Variants in FAM168A observed in about 807,000 individuals in gnomAD.
FAM168A encodes protein FAM168A.
FAM168A carries 3 observed loss-of-function variants against 28.5 expected under a neutral mutation model. The ratio of observed to expected loss-of-function variants is 0.11; its 90% confidence interval spans 0.05 to 0.27. The LOEUF (loss-of-function observed/expected upper bound fraction) is 0.27. Among genes scored for constraint, FAM168A ranks in the 10% least tolerant of loss-of-function variants. The pLI, the probability that FAM168A is intolerant of heterozygous loss-of-function variation, is 1.00. For missense variants in FAM168A, 222 were observed against 311.5 expected, an observed-to-expected ratio of 0.71 and a Z score of 2.16; for synonymous variants, 122 against 124.2, an observed-to-expected ratio of 0.98 and a Z score of 0.12.
At chr11:73,408,829 T>A (rs1180965964) in intron 6 of FAM168A, among the ~76,000 whole-genome samples, 3 of 151,752 alleles carry the variant, frequency 2.0e-5, no homozygotes, top group Admixed American at 6.6e-5. Context: ...TCTGCTTTTG[T>A]CATCCCTCAT....
At chr11:73,558,591 C>A (rs1344968401) in intron 1 of FAM168A, among the ~76,000 whole-genome samples, 4 of 131,406 alleles carry the variant, frequency 3.0e-5, no homozygotes, top group African/African-American at 5.8e-5. Flanking sequence ...TATAATTCAA[C>A]AACAAAAAGG....
At chr11:73,466,978 T>TA (rs1166875719) in intron 2 of FAM168A, among the ~76,000 whole-genome samples, 2 of 150,948 alleles carry the variant, frequency 1.3e-5, no homozygotes, top group African/African-American at 4.9e-5. Flanking sequence ...TAGTGTCAGT[T>TA]AAAAAAAGAA....
Position 73,411,495 on chromosome 11 carries a change from T to G in FAM168A, c.319A>C (p.Ser107Arg), listed in dbSNP as rs781581760. The change falls in exon 5 of 8, where the codon AGT becomes CGT. Residue 107 changes from serine (S) to arginine (R), a missense_variant. By Grantham distance (110) the Ser-to-Arg change is moderately radical. This residue lies in a region of FAM168A where 153 missense variants were observed against 189.2 expected (regional missense o/e 0.81). Transcript: ENST00000356467. ...GAGTAGGGGGGTGGAGCAGTGTTACTCTGGGTCGGTGGGACCTTGTATGGT... is the reference window on the plus strand; with the variant it reads ...GAGTAGGGGGGTGGAGCAGTGTTACGCTGGGTCGGTGGGACCTTGTATGGT... ...GTPYKVPPTQ[S>R]NTAPPPYSPS... 1 of 1,614,068 alleles carries G rather than the reference T, an allele frequency of 6.2e-7. No homozygotes were observed. The highest frequency in any genetic ancestry group is 1.1e-5 in the South Asian group (1 of 91,076).
rs773588576 is a variant in FAM168A, at chr11:73,404,272, G to A, written c.*2491C>T. On this transcript the variant is annotated 3_prime_UTR_variant, in exon 8 of 8. Transcript: ENST00000356467. ...GCAGCAGGGTTCTGGGAAGCCTAGC[G>A]GATACCAGCATGCTGCTCACTGTGG... The A allele has an allele frequency of 3.3e-5, 5 of 152,242 alleles. No individual in the cohort carries two copies. The highest frequency in any genetic ancestry group is 2.1e-4 in the South Asian group (1 of 4,812). The allele number at this position is 152,242 out of a possible 1,614,324, so 9.4% of individuals were successfully genotyped here.
chr11:73,540,201 A>C (rs1943636824), intron 1 of FAM168A, among the ~76,000 whole-genome samples: 1 of 152,208 alleles, frequency 6.6e-6, no homozygotes, highest in Admixed American at 6.5e-5. Flanking sequence ...CTGAAAAAAC[A>C]AAGAAAAACA....
intron 1 of FAM168A, among the ~76,000 whole-genome samples, chr11:73,493,239 C>T (rs974344971): frequency 1.4e-4 from 22 of 152,148 alleles, no homozygotes; most frequent in African/African-American, 2.6e-4. Context: ...AGAGAAGTAG[C>T]TTGAACTCAT....
At chr11:73,514,163 T>C (rs1238631746) in intron 1 of FAM168A, among the ~76,000 whole-genome samples, 2 of 149,508 alleles carry the variant, frequency 1.3e-5, no homozygotes, top group African/African-American at 2.5e-5. Flanking sequence ...AAAAAATAAA[T>C]AAAATAAAAA....
At position 73,423,212 on chromosome 11, in the gene FAM168A, G is replaced by A. The variant is rs556870999; in HGVS notation, c.152-3213C>T. ...CCCCTCTTCCATCTCCAAAGTTGTA[G>A]GCTACAGCTCTAATTGAAGCTCTCA... On this transcript the variant is annotated intron_variant, in intron 3 of 7. Coordinates refer to ENST00000356467, the MANE Select transcript of FAM168A (RefSeq NM_015159.3). 2.0e-5 allele frequency among the ~76,000 whole-genome samples: 3 copies of A among 152,064 alleles called. No homozygotes were observed. In the South Asian group the frequency reaches 6.2e-4, roughly 31 times the overall value.
At chr11:73,547,731 T>C (rs991744062) in intron 1 of FAM168A, among the ~76,000 whole-genome samples, 2 of 151,794 alleles carry the variant, frequency 1.3e-5, no homozygotes, top group East Asian at 3.9e-4. Flanking sequence ...TAGATATACA[T>C]CCAAAAGAAC....
chr11:73,457,484 G>A (rs918901934), intron 2 of FAM168A, among the ~76,000 whole-genome samples: 1 of 151,630 alleles, frequency 6.6e-6, no homozygotes, highest in Non-Finnish European at 1.5e-5. Context: ...TTGTTTAATG[G>A]TTACAGAATT....
chr11:73,476,455 G>A (rs958191164), intron 1 of FAM168A, among the ~76,000 whole-genome samples: 6 of 150,852 alleles, frequency 4.0e-5, no homozygotes, highest in African/African-American at 1.5e-4. Flanking sequence ...TGATGGTGGG[G>A]TGGGGGTGGG....
intron 1 of FAM168A, among the ~76,000 whole-genome samples, chr11:73,573,744 G>A (rs545663574): frequency 6.6e-6 from 1 of 151,448 alleles, no homozygotes. Context: ...GTTGGCTGGA[G>A]GACAGGAGTT....
chr11:73,565,588 C>G (rs1185341656), intron 1 of FAM168A, among the ~76,000 whole-genome samples: 1 of 143,830 alleles, frequency 7.0e-6, no homozygotes, highest in African/African-American at 3.0e-5. Flanking sequence ...GGAATTAAAA[C>G]AAGATAAAAG....
At chr11:73,408,469 T>C (rs558717158) in intron 6 of FAM168A, among the ~76,000 whole-genome samples, 153 of 152,286 alleles carry the variant, frequency 1.0e-3, no homozygotes, top group African/African-American at 3.4e-3. Flanking sequence ...GATGGTATCC[T>C]AGCTGGTTCT....
chr11:73,564,820 A>G (rs894128851), intron 1 of FAM168A, among the ~76,000 whole-genome samples: 7 of 151,930 alleles, frequency 4.6e-5, no homozygotes, highest in Non-Finnish European at 1.0e-4. Flanking sequence ...CAATGTGGTA[A>G]GTGCCATACA....
At chr11:73,573,433 G>A (rs968103165) in intron 1 of FAM168A, among the ~76,000 whole-genome samples, 4 of 152,064 alleles carry the variant, frequency 2.6e-5, no homozygotes, top group Admixed American at 6.5e-5. Flanking sequence ...TCAAGTCTAA[G>A]CTCTTCTCTA....
At chr11:73,526,664 A>G (rs1943451123) in intron 1 of FAM168A, among the ~76,000 whole-genome samples, 1 of 152,148 alleles carries the variant, frequency 6.6e-6, no homozygotes, top group Admixed American at 6.6e-5. Context: ...ACCGGTGAAT[A>G]TTCTTGAAAA....
intron 1 of FAM168A, among the ~76,000 whole-genome samples, chr11:73,526,755 G>T (rs1412865976): frequency 6.7e-6 from 1 of 149,372 alleles, no homozygotes; most frequent in Non-Finnish European, 1.5e-5. Context: ...AAGTTAAAAG[G>T]AAGAAAGCTA....
At chr11:73,465,051 C>T (rs910447277) in intron 2 of FAM168A, among the ~76,000 whole-genome samples, 2 of 151,514 alleles carry the variant, frequency 1.3e-5, no homozygotes, top group African/African-American at 2.4e-5. Flanking sequence ...ATTGAGTGTC[C>T]ACTATGAGCC....
Sources: gnomAD v4.1 joint callset for allele counts (sites outside exome capture counted in the v4.1 genomes callset) on GRCh38, gnomAD v4.1.1 for gene constraint, gnomAD v4.1.1 regional missense constraint, MANE v1.5 for transcripts, NCBI Gene and HGNC (gene_info 2026-07-23, HGNC 2026-07-21) for gene names.